Variants in MPST observed in about 807,000 individuals in gnomAD.
MPST encodes mercaptopyruvate sulfurtransferase.
Under a neutral mutation model 28.5 loss-of-function variants are expected in MPST, and 27 were observed. The observed-to-expected ratio is 0.95, with a 90% CI of 0.70 to 1.31. The LOEUF is 1.31. Among genes scored for constraint, MPST ranks in the 50% most tolerant of loss-of-function variants. MPST has a pLI of 0.00. For synonymous variants in MPST, 204 were observed against 209.3 expected (o/e 0.97, Z 0.22); for missense variants, 492 against 471.1 (o/e 1.04, Z -0.41).
rs1923736266 is a variant in MPST, at chr22:37,029,345, A to G, written c.785A>G (p.Lys262Arg). 6.2e-7 allele frequency: 1 copy of G among 1,614,004 alleles called. No homozygotes were observed. The highest frequency in any genetic ancestry group is 1.3e-5 in the African/African-American group (1 of 74,910). The part of the protein sequence containing the change: ...LFQEKKVDLS[K>R]PLVATCGSGV... ...CAGGAGAAGAAAGTGGACCTGTCTA[A>G]GCCACTGGTGGCCACGTGTGGCTCT... The change falls in exon 3 of 3, where the codon AAG becomes AGG. Residue 262 changes from lysine (K) to arginine (R), a missense_variant. Physicochemically the swap from Lys to Arg is conservative, Grantham distance 26. Transcript: ENST00000429360.
chr22:37,025,014 C>T (rs1194003107), intron 2 of MPST: 1 of 1,486,502 alleles, frequency 6.7e-7, no homozygotes, highest in Admixed American at 2.0e-5. Context: ...TCTGGCTCTA[C>T]CGCCCAGGCT....
At position 37,024,823 on chromosome 22, in the gene MPST, A is replaced by G; in HGVS notation, c.655+13A>G. 1 of 1,603,320 alleles carries G rather than the reference A, an allele frequency of 6.2e-7. No homozygotes were observed. ...GAGCCCCGAGACGGTAACGCGGGGG[A>G]AGGGGGCAGGAGGTCGTCGGGGGCG... On this transcript the variant is annotated intron_variant, in intron 2 of 2. Coordinates refer to ENST00000429360, the MANE Select transcript of MPST (RefSeq NM_021126.8).
At position 37,029,475 on chromosome 22, in the gene MPST, C is replaced by T. The variant is rs752914954; in HGVS notation, c.915C>T (p.Pro305=). 16 of 1,610,582 alleles carry T rather than the reference C, an allele frequency of 9.9e-6. No homozygotes were observed. The highest frequency in any genetic ancestry group is 3.3e-5 in the South Asian group (3 of 90,918). The change falls in exon 3 of 3, where the codon CCC becomes CCT. Residue 305 remains proline (P), a synonymous_variant. Transcript: ENST00000429360. ...TGGAGTGGTACATGCGCGCCCGGCC[C>T]GAGGATGTCATCTCAGAGGGCCGGG... ...SWVEWYMRAR[P]EDVISEGRGK...
intron 2 of MPST, 128 bp downstream of exon 2, chr22:37,024,938 T>C (rs1459800673): frequency 6.5e-7 from 1 of 1,532,786 alleles, no homozygotes; most frequent in South Asian, 1.2e-5. Flanking sequence ...CTTTTTTCTT[T>C]CCTTTCCTTC....
At chr22:37,020,480 C>T (rs1601453046) in intron 1 of MPST, among the ~76,000 whole-genome samples, 1 of 152,088 alleles carries the variant, frequency 6.6e-6, no homozygotes, top group African/African-American at 2.4e-5. Context: ...TGAACTTAGC[C>T]CGTTTAATCA....
chr22:37,024,499 C>A lies in MPST; in HGVS notation c.344C>A (p.Thr115Asn). 1 of 1,562,850 alleles carries A rather than the reference C, an allele frequency of 6.4e-7. No homozygotes were observed. Among genetic ancestry groups the A allele is most frequent in the South Asian group, 1.2e-5 (1 of 86,158 alleles). Residue 115 changes from threonine to asparagine, a missense_variant, in exon 2 of 3, where the codon ACC becomes AAC. Thr to Asn is a moderately conservative substitution (Grantham distance 65). Transcript: ENST00000429360. ...YAGRLGVGAA[T>N]HVVIYDASDQ... Reference sequence around the variant, plus strand: ...GGCCGCCTGGGCGTGGGCGCGGCCACCCACGTCGTGATCTACGACGCCAGC... The same window carrying A: ...GGCCGCCTGGGCGTGGGCGCGGCCAACCACGTCGTGATCTACGACGCCAGC...
intron 1 of MPST, chr22:37,023,962 A>G (rs765561117): frequency 4.0e-5 from 61 of 1,509,914 alleles, no homozygotes; most frequent in Non-Finnish European, 5.0e-5. Context: ...CCGGGAGGTC[A>G]TGGTCATTGG....
At chr22:37,024,985 TTG>T in intron 2 of MPST, 175 bp downstream of exon 2, 1 of 1,491,678 alleles carries the variant, frequency 6.7e-7, no homozygotes, top group Non-Finnish European at 9.1e-7. Flanking sequence ...TTCCCTACCC[TTG>T]CCTTCTTTTC....
In MPST at chr22:37,019,877, C is replaced by T; in HGVS notation, c.36+5C>T. ...AGCCGGGAGTCCGAGACCCGGGTAA[C>T]TGCCGCGGCGTGGCGGCTTGCCTTT... is the stretch of plus-strand genomic sequence containing the variant. On this transcript the variant is annotated splice_donor_5th_base_variant and intron_variant, in intron 1 of 2. Coordinates refer to ENST00000429360, the MANE Select transcript of MPST (RefSeq NM_021126.8). 1.6e-6 allele frequency: 2 copies of T among 1,216,510 alleles called. No homozygotes were observed. The highest frequency in any genetic ancestry group is 2.6e-4 in the Middle Eastern group (1 of 3,894). 75.4% of individuals were successfully genotyped at this position (1,216,510 alleles called of 1,614,324 possible). A position where few individuals can be genotyped will look rare whatever the true frequency, so the allele number is the denominator to read the frequency against.
chr22:37,028,748 G>A, intron 2 of MPST: 1 of 152,846 alleles, frequency 6.5e-6, no homozygotes, highest in Non-Finnish European at 1.4e-5. Flanking sequence ...GCTGTTACTG[G>A]CGTTATTTTT....
chr22:37,019,746 C>A lies in MPST; in HGVS notation c.-91C>A. ...GAGTGGCCGCGGCGGTGGGCTGTGC[C>A]GGAGTCTCCTCCCTTTGGTCCGCTG... On this transcript the variant is annotated 5_prime_UTR_variant, in exon 1 of 3. Transcript: ENST00000429360. The A allele has an allele frequency of 3.8e-6, 2 of 531,180 alleles. No homozygotes were observed. The highest frequency in any genetic ancestry group is 5.6e-6 in the Non-Finnish European group (2 of 358,904). The allele number at this position is 531,180 out of a possible 1,614,324, so 32.9% of individuals were successfully genotyped here.
chr22:37,019,929 G>T, intron 1 of MPST, 57 bp downstream of exon 1: 1 of 905,710 alleles, frequency 1.1e-6, no homozygotes, highest in Non-Finnish European at 1.5e-6. Context: ...TGGCTCTTTG[G>T]GGGTGCTCGG....
intron 1 of MPST, 23 bp from the exon 2 acceptor site, chr22:37,024,169 C>A: frequency 7.3e-7 from 1 of 1,372,364 alleles, no homozygotes; most frequent in Non-Finnish European, 9.3e-7. Flanking sequence ...TGCTTCCCTT[C>A]TGACATCCTC....
intron 2 of MPST, chr22:37,025,077 G>A: frequency 6.6e-7 from 1 of 1,509,878 alleles, no homozygotes; most frequent in Middle Eastern, 2.0e-4. Flanking sequence ...CCTGGGCTCA[G>A]GTGACCCTCC....
chr22:37,021,554 C>A (rs1337525017), intron 1 of MPST, among the ~76,000 whole-genome samples: 1 of 152,074 alleles, frequency 6.6e-6, no homozygotes, highest in Non-Finnish European at 1.5e-5. Context: ...CTCACTGTAA[C>A]CTCTGCCTCC....
At chr22:37,021,097 C>T (rs1441651966) in intron 1 of MPST, among the ~76,000 whole-genome samples, 4 of 152,190 alleles carry the variant, frequency 2.6e-5, no homozygotes, top group Non-Finnish European at 4.4e-5. Context: ...AAGCTCTGCT[C>T]CTCAAGGGGT....
intron 1 of MPST, 105 bp downstream of exon 1, chr22:37,019,977 G>A: frequency 3.7e-6 from 2 of 545,458 alleles, no homozygotes; most frequent in Non-Finnish European, 2.8e-6. Flanking sequence ...GGAAGAGGGG[G>A]CTTAGTCTAG....
At position 37,024,578 on chromosome 22, in the gene MPST, C is replaced by T; in HGVS notation, c.423C>T (p.Gly141=). The change falls in exon 2 of 3, where the codon GGC becomes GGT. Residue 141 remains glycine, a synonymous_variant. Transcript: ENST00000429360. ...TCTGGTGGATGTTCCGCGCCTTCGGCCACCACGCCGTGTCACTGCTTGATG... is the reference window on the plus strand; with the variant it reads ...TCTGGTGGATGTTCCGCGCCTTCGGTCACCACGCCGTGTCACTGCTTGATG... The part of the protein sequence containing the change: ...PRVWWMFRAF[G]HHAVSLLDGG... 6.3e-7 allele frequency: 1 copy of T among 1,590,864 alleles called. No individual in the cohort carries two copies. The highest frequency in any genetic ancestry group is 8.5e-7 in the Non-Finnish European group (1 of 1,175,466).
chr22:37,024,618 T>TGG lies in MPST; in HGVS notation c.464_465dup (p.Leu156GlyfsTer75). ...ACTGCTTGATGGCGGCCTCCGCCAC[T>TGG]GGCTGCGCCAGAACCTCCCGCTCAG... On this transcript the variant is annotated frameshift_variant, in exon 2 of 3. Coordinates refer to ENST00000429360, the MANE Select transcript of MPST (RefSeq NM_021126.8). LOFTEE classifies it high-confidence loss of function. 1 of 1,597,370 alleles carries TGG rather than the reference T, an allele frequency of 6.3e-7. No individual in the cohort carries two copies. The highest frequency in any genetic ancestry group is 8.5e-7 in the Non-Finnish European group (1 of 1,179,018).
Sources: allele counts gnomAD v4.1 joint callset (sites outside exome capture counted in the v4.1 genomes callset), GRCh38; gene constraint gnomAD v4.1.1; transcripts MANE v1.5; gene names NCBI Gene and HGNC (gene_info 2026-07-23, HGNC 2026-07-21).